The following ZPBP variants were observed in gnomAD, a reference collection of about 807,000 sequenced individuals.
The protein encoded by ZPBP is zona pellucida-binding protein 1.
Under a neutral mutation model 44.8 loss-of-function variants are expected in ZPBP, and 26 were observed. The observed-to-expected ratio is 0.58, with a 90% CI of 0.43 to 0.81. ZPBP has a LOEUF of 0.81. Among genes scored for constraint, ZPBP ranks in the 30% least tolerant of loss-of-function variants. The pLI is 0.00. For synonymous variants in ZPBP, 174 were observed against 153.2 expected (o/e 1.14, Z -1.00); for missense variants, 409 against 434.0 (o/e 0.94, Z 0.51).
chr7:50,037,130 C>T (rs1300887773), intron 4 of ZPBP, among the ~76,000 whole-genome samples: 1 of 151,928 alleles, frequency 6.6e-6, no homozygotes. Context: ...ATAATGTGTG[C>T]AAGAAGAAAT....
chr7:49,901,613 A>G (rs1372507096), intron 1 of ZPBP, among the ~76,000 whole-genome samples: 1 of 151,946 alleles, frequency 6.6e-6, no homozygotes, highest in Non-Finnish European at 1.5e-5. Flanking sequence ...AACATTATCA[A>G]GATCTATTGT....
chr7:49,939,595 A>C (rs1156397603), intron 7 of ZPBP, among the ~76,000 whole-genome samples: 1 of 152,186 alleles, frequency 6.6e-6, no homozygotes. Flanking sequence ...TACAAAAAAA[A>C]GTTATGAACT....
At chr7:49,967,979 A>G (rs927683639) in intron 7 of ZPBP, among the ~76,000 whole-genome samples, 1 of 152,166 alleles carries the variant, frequency 6.6e-6, no homozygotes, top group Admixed American at 6.5e-5. Flanking sequence ...AACTCCTGGT[A>G]CTTGTGTAAC....
chr7:50,058,218 A>G, intron 3 of ZPBP, 77 bp from the exon 4 acceptor site: 1 of 1,482,834 alleles, frequency 6.7e-7, no homozygotes, highest in Non-Finnish European at 9.4e-7. Flanking sequence ...AGCAAGGTAA[A>G]ACCATCATAA....
the ZPBP span, among the ~76,000 whole-genome samples, chr7:49,843,177 C>A: frequency 6.6e-6 from 1 of 152,178 alleles, no homozygotes; most frequent in Non-Finnish European, 1.5e-5. Flanking sequence ...TTTCTGTGAA[C>A]TTCTTGCTTA....
chr7:50,051,965 A>AT (rs1800721108), intron 4 of ZPBP, among the ~76,000 whole-genome samples: 1 of 138,998 alleles, frequency 7.2e-6, no homozygotes, highest in Non-Finnish European at 1.7e-5. Context: ...AAATGAAAAT[A>AT]ATTTTTTTTT....
chr7:49,999,892 C>G (rs1023495285), intron 6 of ZPBP, among the ~76,000 whole-genome samples: 8 of 152,126 alleles, frequency 5.3e-5, no homozygotes, highest in Non-Finnish European at 1.0e-4. Context: ...CAAGTTGACA[C>G]ATAAAAACCA....
At chr7:49,975,280 T>C (rs543566305) in intron 7 of ZPBP, among the ~76,000 whole-genome samples, 2 of 152,240 alleles carry the variant, frequency 1.3e-5, no homozygotes, top group South Asian at 4.1e-4. Flanking sequence ...AGCAACTCAC[T>C]AGGATCTAGG....
chr7:49,981,791 A>C (rs1242407573), intron 7 of ZPBP, among the ~76,000 whole-genome samples: 1 of 95,334 alleles, frequency 1.0e-5, no homozygotes, highest in East Asian at 2.7e-4. Flanking sequence ...TATATAGATT[A>C]TATAATTATA....
chr7:49,854,299 C>T (rs1790324585), intron 2 of ZPBP, among the ~76,000 whole-genome samples: 1 of 152,202 alleles, frequency 6.6e-6, no homozygotes. Context: ...CACTCTTCCA[C>T]AATGGTTGAA....
chr7:49,948,787 T>C (rs1199748601), intron 7 of ZPBP, among the ~76,000 whole-genome samples: 1 of 152,152 alleles, frequency 6.6e-6, no homozygotes, highest in African/African-American at 2.4e-5. Flanking sequence ...AATGGTATAG[T>C]GGCTATGGAA....
At chr7:49,886,669 G>A (rs1312911064) in intron 2 of ZPBP, among the ~76,000 whole-genome samples, 1 of 152,106 alleles carries the variant, frequency 6.6e-6, no homozygotes, top group African/African-American at 2.4e-5. Flanking sequence ...ACTAGTGTCA[G>A]AGGGGTTTGT....
intron 4 of ZPBP, 66 bp from the exon 5 acceptor site, chr7:50,031,376 T>C: frequency 1.8e-6 from 2 of 1,142,136 alleles, no homozygotes; most frequent in Non-Finnish European, 2.5e-6. Flanking sequence ...ATATTGCAAC[T>C]ATTTAAGAAA....
chr7:49,862,763 T>C (rs956375111), intron 2 of ZPBP, among the ~76,000 whole-genome samples: 2 of 152,128 alleles, frequency 1.3e-5, no homozygotes, highest in African/African-American at 2.4e-5. Flanking sequence ...TAATGTGTTG[T>C]ATTATGTCCA....
chr7:49,949,316 T>G (rs899092505), intron 7 of ZPBP, among the ~76,000 whole-genome samples: 2 of 152,130 alleles, frequency 1.3e-5, no homozygotes, highest in African/African-American at 4.8e-5. Flanking sequence ...AAGCAGGATC[T>G]TGCAGGTATT....
chr7:50,011,189 CT>C (rs1798561585), intron 6 of ZPBP, among the ~76,000 whole-genome samples: 1 of 152,154 alleles, frequency 6.6e-6, no homozygotes, highest in African/African-American at 2.4e-5. Flanking sequence ...GGATCCTCAT[CT>C]CTCACCTTAT....
chr7:49,878,201 T>C (rs1791524174), intron 2 of ZPBP, among the ~76,000 whole-genome samples: 1 of 152,142 alleles, frequency 6.6e-6, no homozygotes, highest in South Asian at 2.1e-4. Flanking sequence ...ACACTCCTTC[T>C]CTTTCACATA....
downstream of ZPBP, among the ~76,000 whole-genome samples, chr7:49,847,713 G>A (rs1789999335): frequency 1.3e-5 from 2 of 152,186 alleles, no homozygotes; most frequent in Admixed American, 1.3e-4. Context: ...AAGAAGGGGT[G>A]AGGCGGGCTT....
intron 2 of ZPBP, among the ~76,000 whole-genome samples, chr7:49,900,250 G>C (rs1370857109): frequency 6.6e-6 from 1 of 151,622 alleles, no homozygotes; most frequent in Non-Finnish European, 1.5e-5. Context: ...AATAATCTAA[G>C]CTTCCACCTT....
Sources: allele counts gnomAD v4.1 joint callset (sites outside exome capture counted in the v4.1 genomes callset), GRCh38; gene constraint gnomAD v4.1.1; transcripts MANE v1.5; gene names NCBI Gene and HGNC (gene_info 2026-07-23, HGNC 2026-07-21).